ATP8B4: variants seen among roughly 807,000 people sequenced by gnomAD.
ATP8B4 encodes probable phospholipid-transporting ATPase IM.
Under a neutral mutation model 145.6 loss-of-function variants are expected in ATP8B4, and 133 were observed. That is an observed-to-expected ratio of 0.91 (90% CI 0.79 to 1.05). The LOEUF (loss-of-function observed/expected upper bound fraction) is 1.05. Ranked by LOEUF, ATP8B4 falls within the 50% of genes least tolerant of loss-of-function variation. ATP8B4 has a pLI of 0.00. For missense variants in ATP8B4, 1,458 were observed against 1,425.2 expected (o/e 1.02, Z -0.37); for synonymous variants, 507 against 492.9 (o/e 1.03, Z -0.38).
At chr15:50,085,617 T>C (rs1212256383) in intron 2 of ATP8B4, among the ~76,000 whole-genome samples, 6 of 151,860 alleles carry the variant, frequency 4.0e-5, no homozygotes, top group Admixed American at 6.6e-5. Context: ...GTTTGAAATA[T>C]AGAGCTACAA....
intron 9 of ATP8B4, among the ~76,000 whole-genome samples, chr15:49,989,122 A>G (rs1304656533): frequency 6.6e-6 from 1 of 152,176 alleles, no homozygotes; most frequent in African/African-American, 2.4e-5. Context: ...TGCCAAGGGA[A>G]GGGGCTGAAT....
intron 1 of ATP8B4, among the ~76,000 whole-genome samples, chr15:50,131,261 GGTAAGAACTTCTAATAGCTATGCA>G (rs1336852519): frequency 3.3e-5 from 5 of 152,150 alleles, no homozygotes; most frequent in Non-Finnish European, 7.3e-5. Flanking sequence ...AATAATGATA[GGTAAGAACTTCTAATAGCTATGCA>G]GTACTTAATA....
chr15:50,066,917 C>T (rs1316547776), intron 3 of ATP8B4, among the ~76,000 whole-genome samples: 1 of 152,066 alleles, frequency 6.6e-6, no homozygotes, highest in East Asian at 1.9e-4. Context: ...AGTTCTTAAC[C>T]TCATAGGCAC....
intron 1 of ATP8B4, among the ~76,000 whole-genome samples, chr15:50,177,684 A>G (rs999296259): frequency 1.3e-5 from 2 of 152,194 alleles, no homozygotes; most frequent in African/African-American, 4.8e-5. Flanking sequence ...TTGGAAGCCA[A>G]TGGACTAAAT....
chr15:50,057,722 T>G (rs1295024403), intron 3 of ATP8B4, among the ~76,000 whole-genome samples: 1 of 152,200 alleles, frequency 6.6e-6, no homozygotes, highest in Non-Finnish European at 1.5e-5. Flanking sequence ...CATCACAAAC[T>G]TTGTTCTCTT....
intron 1 of ATP8B4, among the ~76,000 whole-genome samples, chr15:50,131,834 T>A (rs1479426255): frequency 6.7e-6 from 1 of 150,228 alleles, no homozygotes; most frequent in African/African-American, 2.4e-5. Context: ...ATTAATATTA[T>A]CATGTAATTA....
chr15:50,009,276 T>A (rs1002835992), intron 7 of ATP8B4: 9 of 152,894 alleles, frequency 5.9e-5, no homozygotes, highest in African/African-American at 2.2e-4. Context: ...CTTTTCTTTT[T>A]TTTCCTGTCT....
At chr15:49,909,157 G>C (rs562151185) in intron 20 of ATP8B4, among the ~76,000 whole-genome samples, 125 of 152,144 alleles carry the variant, frequency 8.2e-4, no homozygotes, top group African/African-American at 3.0e-3. Context: ...CCCCACCCCA[G>C]TACTTGAGCA....
At chr15:49,864,444 C>T (rs751898983) in intron 26 of ATP8B4, among the ~76,000 whole-genome samples, 4 of 152,162 alleles carry the variant, frequency 2.6e-5, no homozygotes, top group African/African-American at 4.8e-5. Context: ...TTGGTCACTG[C>T]GCATCTCTCT....
At chr15:49,967,892 C>A (rs997306590) in intron 13 of ATP8B4, among the ~76,000 whole-genome samples, 6 of 152,180 alleles carry the variant, frequency 3.9e-5, no homozygotes, top group African/African-American at 1.4e-4. Context: ...AGGTTACCCA[C>A]AAAGGGAAGC....
chr15:50,076,687 G>A lies in ATP8B4; in HGVS notation c.29-2502C>T, dbSNP rs536565797. ...GATTAGAGCCAGGAAGCCCACTTTTGTTTCTAAATCCTTCTTAATAAGTCT... is the reference window on the plus strand; with the variant it reads ...GATTAGAGCCAGGAAGCCCACTTTTATTTCTAAATCCTTCTTAATAAGTCT... On this transcript the variant is annotated intron_variant, in intron 2 of 27. Coordinates refer to ENST00000284509, the MANE Select transcript of ATP8B4 (RefSeq NM_024837.4). Among the ~76,000 whole-genome samples the A allele has an allele frequency of 2.0e-5, 3 of 152,128 alleles. No individual in the cohort carries two copies. In the South Asian group the frequency reaches 6.2e-4, roughly 32 times the overall value.
At chr15:49,983,781 T>A (rs953388070) in intron 10 of ATP8B4, among the ~76,000 whole-genome samples, 10 of 152,194 alleles carry the variant, frequency 6.6e-5, no homozygotes, top group Non-Finnish European at 1.0e-4. Context: ...CTAGCCCCTA[T>A]CCATGTCTCC....
intron 2 of ATP8B4, among the ~76,000 whole-genome samples, chr15:50,085,781 T>C (rs2054868774): frequency 6.9e-6 from 1 of 145,538 alleles, no homozygotes; most frequent in Non-Finnish European, 1.5e-5. Flanking sequence ...TGTATGTATC[T>C]ATATGTAAAA....
At chr15:50,098,351 G>T (rs2056127783) in intron 2 of ATP8B4, among the ~76,000 whole-genome samples, 1 of 124,218 alleles carries the variant, frequency 8.1e-6, no homozygotes, top group Non-Finnish European at 1.6e-5. Flanking sequence ...GAGTACAATG[G>T]CACAATCATA....
chr15:50,101,864 T>G lies in ATP8B4; in HGVS notation c.28+5075A>C, dbSNP rs534153213. On this transcript the variant is annotated intron_variant, in intron 2 of 27. Coordinates refer to ENST00000284509, the MANE Select transcript of ATP8B4 (RefSeq NM_024837.4). ...GTCCACAAAACAAGTCTCAACAAAT[T>G]TAAGAAAATTGAAATTATAGCAAGT... Among the ~76,000 whole-genome samples, 65 of 152,072 alleles carry G rather than the reference T, an allele frequency of 4.3e-4. 3 individuals are homozygous for G. In the South Asian group the frequency reaches 0.014, roughly 32 times the overall value.
rs148665927 is a variant in ATP8B4 at position 50,155,658 on chromosome 15, G to A, written c.-43+26603C>T. Among the ~76,000 whole-genome samples the A allele has an allele frequency of 1.5e-3, 230 of 152,032 alleles. 1 individual carries two copies. The highest frequency in any genetic ancestry group is 5.2e-3 in the African/African-American group (216 of 41,506). ...AGGGGGTTCTACATAACTATGTCACGTTTTACCATGTAGACACAACATACA... is the reference window on the plus strand; with the variant it reads ...AGGGGGTTCTACATAACTATGTCACATTTTACCATGTAGACACAACATACA... On this transcript the variant is annotated intron_variant, in intron 1 of 3. Coordinates refer to the ATP8B4 transcript ENST00000558829.
upstream of ATP8B4, among the ~76,000 whole-genome samples, chr15:50,120,367 T>A (rs1465777606): frequency 1.3e-5 from 2 of 152,162 alleles, no homozygotes; most frequent in African/African-American, 4.8e-5. Context: ...GAAGCAATCA[T>A]CTCTTTAAAA....
intron 1 of ATP8B4, among the ~76,000 whole-genome samples, chr15:50,158,975 C>T (rs1387133122): frequency 6.6e-6 from 1 of 152,292 alleles, no homozygotes; most frequent in African/African-American, 2.4e-5. Context: ...TGCGGAAGGC[C>T]GCAGGGTCCT....
intron 26 of ATP8B4, among the ~76,000 whole-genome samples, chr15:49,863,672 C>T (rs917634950): frequency 6.6e-6 from 1 of 152,108 alleles, no homozygotes; most frequent in Non-Finnish European, 1.5e-5. Flanking sequence ...ATTCCAGTTG[C>T]CTTCAGCCAT....
Sources: allele counts gnomAD v4.1 joint callset (sites outside exome capture counted in the v4.1 genomes callset), GRCh38; gene constraint gnomAD v4.1.1; transcripts MANE v1.5; gene names NCBI Gene and HGNC (gene_info 2026-07-23, HGNC 2026-07-21).